The following NFYC variants were observed in gnomAD, a reference collection of about 807,000 sequenced individuals.
NFYC encodes the protein nuclear transcription factor Y subunit gamma.
Under a neutral mutation model 53.1 loss-of-function variants are expected in NFYC, and 25 were observed. The observed-to-expected ratio is 0.47, with a 90% CI of 0.34 to 0.66. NFYC has a LOEUF of 0.66. Ranked by LOEUF, NFYC falls within the 30% of genes least tolerant of loss-of-function variation. NFYC has a pLI of 0.01. For synonymous variants in NFYC, 145 were observed against 152.6 expected (o/e 0.95, Z 0.37); for missense variants, 260 against 422.7 (o/e 0.62, Z 3.38).
At chr1:40,767,061 T>C (rs1646850240) in intron 8 of NFYC, 1 of 1,277,386 alleles carries the variant, frequency 7.8e-7, no homozygotes, top group African/African-American at 1.5e-5. Flanking sequence ...GTGGCTGTTG[T>C]GTTCTGGCAC....
intron 1 of NFYC, among the ~76,000 whole-genome samples, chr1:40,725,588 G>A (rs997862997): frequency 2.0e-5 from 3 of 152,198 alleles, no homozygotes; most frequent in African/African-American, 7.2e-5. Context: ...AAACCAAATA[G>A]TCTGTTAGTA....
intron 2 of NFYC, among the ~76,000 whole-genome samples, chr1:40,741,722 C>T (rs970849180): frequency 6.6e-6 from 1 of 151,776 alleles, no homozygotes; most frequent in African/African-American, 2.4e-5. Flanking sequence ...CCCGCCTCAG[C>T]CTCCTGAGTA....
At position 40,770,857 on chromosome 1, in the gene NFYC, C is replaced by T. The variant is rs758652050; in HGVS notation, c.*29C>T. On this transcript the variant is annotated 3_prime_UTR_variant, in exon 10 of 10. Coordinates refer to ENST00000447388, the MANE Select transcript of NFYC (RefSeq NM_014223.5). This position sits in a 1 kb window ranked among gnomAD's most constrained non-coding sequence, Gnocchi z 5.3. ...CCTGAGCTGGCAAGGCCAAGGACAC[C>T]CAACACAATTTTTGCCATACAGCCC... 6.6e-5 allele frequency: 106 copies of T among 1,601,424 alleles called. No homozygotes were observed. Among genetic ancestry groups the T allele is most frequent in the Non-Finnish European group, 8.7e-5 (103 of 1,178,590 alleles).
At chr1:40,694,857 A>G (rs1643038629) in intron 1 of NFYC, among the ~76,000 whole-genome samples, 1 of 152,254 alleles carries the variant, frequency 6.6e-6, no homozygotes, top group Admixed American at 6.5e-5. Context: ...GGCAGAAATC[A>G]TACTAAGATT....
chr1:40,703,195 C>T (rs929711512), intron 1 of NFYC, among the ~76,000 whole-genome samples: 1 of 152,014 alleles, frequency 6.6e-6, no homozygotes, highest in Admixed American at 6.6e-5. Context: ...TCTTTTACTT[C>T]TTAAAGAATC....
At chr1:40,761,309 G>C (rs1242211386) in intron 6 of NFYC, among the ~76,000 whole-genome samples, 2 of 152,124 alleles carry the variant, frequency 1.3e-5, no homozygotes, top group Non-Finnish European at 2.9e-5. Context: ...AGCATTTCCT[G>C]GCTGTTGTTT....
chr1:40,730,915 A>G (rs982134548), intron 1 of NFYC, among the ~76,000 whole-genome samples: 1 of 152,174 alleles, frequency 6.6e-6, no homozygotes, highest in Non-Finnish European at 1.5e-5. Context: ...AAAAGAAACC[A>G]GTTCCTGGCC....
intron 7 of NFYC, among the ~76,000 whole-genome samples, chr1:40,764,326 A>C (rs1425120989): frequency 2.0e-5 from 3 of 152,230 alleles, no homozygotes; most frequent in Non-Finnish European, 4.4e-5. Flanking sequence ...ATTGTTCTTC[A>C]TCTGAAGTTA....
At chr1:40,710,155 TAAG>T (rs1643886418) in intron 1 of NFYC, among the ~76,000 whole-genome samples, 1 of 152,242 alleles carries the variant, frequency 6.6e-6, no homozygotes, top group Non-Finnish European at 1.5e-5. Context: ...TAGATTCTAA[TAAG>T]TAGTAGTTAA....
intron 7 of NFYC, 28 bp from the exon 8 acceptor site, chr1:40,766,568 G>A: frequency 1.3e-6 from 2 of 1,541,908 alleles, no homozygotes; most frequent in South Asian, 2.3e-5. Context: ...AATGTCTTAT[G>A]GTCTCTTTGT....
chr1:40,745,124 CT>C (rs1173247402), intron 2 of NFYC, among the ~76,000 whole-genome samples: 1 of 152,202 alleles, frequency 6.6e-6, no homozygotes, highest in Non-Finnish European at 1.5e-5. Flanking sequence ...CGGGAATGAT[CT>C]CTTGATCCTT....
Position 40,750,761 on chromosome 1 carries a change from A to G in NFYC, c.291+1075A>G, listed in dbSNP as rs188744114. On this transcript the variant is annotated intron_variant, in intron 4 of 9. Transcript: ENST00000447388. ...AGGCAAAACACTTGGACAGACCTTC[A>G]GAAAAAAAGATAAACAAATGCCCAA... Among the ~76,000 whole-genome samples, 50 of 152,322 alleles carry G rather than the reference A, an allele frequency of 3.3e-4. 1 individual carries two copies. The East Asian group carries it at 4.4e-3, about 14-fold the overall frequency.
At chr1:40,714,746 TG>T (rs1172059911) in intron 1 of NFYC, among the ~76,000 whole-genome samples, 1 of 152,012 alleles carries the variant, frequency 6.6e-6, no homozygotes, top group African/African-American at 2.4e-5. Flanking sequence ...TCCGAGTAAT[TG>T]GGACTACAGA....
chr1:40,764,405 C>G (rs1047836294), intron 7 of NFYC, among the ~76,000 whole-genome samples: 2 of 152,300 alleles, frequency 1.3e-5, no homozygotes, highest in South Asian at 4.1e-4. Flanking sequence ...ACCTCTCTCA[C>G]GTGTGCTTAC....
chr1:40,752,304 A>G (rs1367367324), intron 4 of NFYC, among the ~76,000 whole-genome samples: 2 of 152,238 alleles, frequency 1.3e-5, no homozygotes, highest in Admixed American at 6.5e-5. Context: ...TTTAACATGC[A>G]TATCATTCAC....
chr1:40,717,722 A>G (rs544692835), intron 1 of NFYC, among the ~76,000 whole-genome samples: 1 of 152,332 alleles, frequency 6.6e-6, no homozygotes, highest in African/African-American at 2.4e-5. Context: ...TACAAAGACT[A>G]GGTTTTATTT....
At chr1:40,739,616 A>G (rs1475498360) in intron 2 of NFYC, among the ~76,000 whole-genome samples, 1 of 152,192 alleles carries the variant, frequency 6.6e-6, no homozygotes, top group African/African-American at 2.4e-5. Context: ...GTTGAGAACT[A>G]CTGACTCAGA....
intron 1 of NFYC, chr1:40,712,437 C>T (rs535849308): frequency 1.3e-5 from 2 of 152,140 alleles, no homozygotes; most frequent in African/African-American, 4.8e-5. Flanking sequence ...AAGCCTGTTC[C>T]ATTTGCATTA....
At chr1:40,706,101 C>T (rs1570333007) in intron 1 of NFYC, among the ~76,000 whole-genome samples, 1 of 152,024 alleles carries the variant, frequency 6.6e-6, no homozygotes, top group East Asian at 1.9e-4. Context: ...GCTATCTACA[C>T]ATATATATGG....
Sources: allele counts gnomAD v4.1 joint callset (sites outside exome capture counted in the v4.1 genomes callset), GRCh38; gene constraint gnomAD v4.1.1; non-coding constraint Gnocchi (gnomAD v3.1); transcripts MANE v1.5; gene names NCBI Gene and HGNC (gene_info 2026-07-23, HGNC 2026-07-21).